The following CDON variants were observed in gnomAD, a reference collection of about 807,000 sequenced individuals.
The protein encoded by CDON is cell adhesion molecule-related/down-regulated by oncogenes.
In CDON, 73 loss-of-function variants were observed where a neutral mutation model predicts 120.9. The ratio of observed to expected loss-of-function variants is 0.60; its 90% CI spans 0.50 to 0.73. The LOEUF (loss-of-function observed/expected upper bound fraction) is 0.73. Among genes scored for constraint, CDON ranks in the 30% least tolerant of loss-of-function variants. CDON has a pLI of 0.00. For synonymous variants in CDON, 566 were observed against 573.5 expected (o/e 0.99, Z 0.19); for missense variants, 1,470 against 1,587.3 (o/e 0.93, Z 1.26).
At chr11:126,028,395 T>C (rs1237108119) in intron 1 of CDON, among the ~76,000 whole-genome samples, 1 of 151,888 alleles carries the variant, frequency 6.6e-6, no homozygotes, top group East Asian at 1.9e-4. Context: ...AGATGGAATC[T>C]TGCTGTCACC....
At chr11:126,024,721 T>TA (rs1320205063) in intron 1 of CDON, among the ~76,000 whole-genome samples, 11 of 152,062 alleles carry the variant, frequency 7.2e-5, no homozygotes, top group Admixed American at 5.9e-4. Flanking sequence ...ATGTAGATCT[T>TA]AAACGTATGA....
At chr11:126,057,698 T>C (rs1948712554) in intron 1 of CDON, among the ~76,000 whole-genome samples, 1 of 152,248 alleles carries the variant, frequency 6.6e-6, no homozygotes, top group Non-Finnish European at 1.5e-5. Context: ...GTGATATTAC[T>C]ATGTTACACC....
chr11:125,961,880 C>G lies in CDON; in HGVS notation c.3475G>C (p.Val1159Leu). Residue 1159 changes from valine (V) to leucine (L), a missense_variant, in exon 19 of 20, where the codon GTA becomes CTA. Coordinates refer to ENST00000531738, the MANE Select transcript of CDON (RefSeq NM_001378964.1). ...MKPLSHVKVP[V>L]CLTSAVPDCG... ...TCAGGGACTGCGGAAGTCAGGCATA[C>G]AGGCACCTTCACGTGACTGAGGGGC... is the stretch of plus-strand genomic sequence containing the variant. 1.2e-6 allele frequency: 2 copies of G among 1,614,222 alleles called. No individual in the cohort carries two copies. Among genetic ancestry groups the G allele is most frequent in the South Asian group, 2.2e-5 (2 of 91,086 alleles).
intron 2 of CDON, among the ~76,000 whole-genome samples, chr11:126,022,101 CAAAAAAAAAAAA>C (rs56788784): frequency 1.8e-5 from 1 of 56,552 alleles, no homozygotes; most frequent in Non-Finnish European, 3.5e-5. Context: ...GACCCTGCTT[CAAAAAAAAAAAA>C]AAAAAAAAAA....
intron 16 of CDON, 90 bp from the exon 17 acceptor site, chr11:125,981,419 TACGCACACACGCACAC>T: frequency 8.5e-5 from 113 of 1,324,664 alleles, no homozygotes; most frequent in Middle Eastern, 2.1e-4. Context: ...CACATGCACA[TACGCACACACGCACAC>T]ACGCACACAG....
At chr11:125,976,710 G>T (rs980379408) in intron 18 of CDON, among the ~76,000 whole-genome samples, 1 of 151,694 alleles carries the variant, frequency 6.6e-6, no homozygotes, top group African/African-American at 2.4e-5. Context: ...CTAAGGAAAT[G>T]GGATGCATTC....
chr11:126,047,009 G>T (rs1417850501), intron 1 of CDON, among the ~76,000 whole-genome samples: 2 of 152,138 alleles, frequency 1.3e-5, no homozygotes, highest in Non-Finnish European at 2.9e-5. Flanking sequence ...GAAAATTCCA[G>T]GAAGTAATGG....
Position 125,982,290 on chromosome 11 carries a change from TA to T in CDON, c.2996-962del, listed in dbSNP as rs754889732. Among the ~76,000 whole-genome samples the T allele has an allele frequency of 3.3e-5, 5 of 152,236 alleles. No homozygotes were observed. In the East Asian group the frequency reaches 7.7e-4, roughly 24 times the overall value. On this transcript the variant is annotated intron_variant, in intron 16 of 19. Transcript: ENST00000531738. ...CGCCCAGCCTTCTATTTTCTTCTAT[TA>T]AAAGCATACAAATGACTGCCTCAAA...
In CDON at chr11:125,958,664, A is replaced by T. The variant is rs529502549; in HGVS notation, c.*2278T>A. 1 of 152,108 alleles carries T rather than the reference A, an allele frequency of 6.6e-6. No homozygotes were observed. Among genetic ancestry groups the T allele is most frequent in the South Asian group, 2.1e-4 (1 of 4,810 alleles). The allele number at this position is 152,108 out of a possible 1,614,324, so 9.4% of individuals were successfully genotyped here. A position where few individuals can be genotyped will look rare whatever the true frequency, so the allele number is the denominator to read the frequency against. ...TAAATAAAATACAATAAAAAGAATA[A>T]CACTTAAAACAGCGTTACTAATAAT... On this transcript the variant is annotated 3_prime_UTR_variant, in exon 20 of 20. Transcript: ENST00000531738.
At chr11:126,007,419 T>C (rs1488509503) in intron 8 of CDON, among the ~76,000 whole-genome samples, 1 of 152,206 alleles carries the variant, frequency 6.6e-6, no homozygotes, top group African/African-American at 2.4e-5. Context: ...ATATTGCTCC[T>C]GGAACAGCAG....
At position 125,961,120 on chromosome 11, in the gene CDON, G is replaced by C; in HGVS notation, c.3632-15C>G. On this transcript the variant is annotated splice_polypyrimidine_tract_variant and intron_variant, in intron 19 of 19. Transcript: ENST00000531738. ...ACAGCTGTCTCCTGAAACACAGCAG[G>C]GTTTGGGAGCATTATCAAATGATAA... is the stretch of plus-strand genomic sequence containing the variant. 1 of 1,612,518 alleles carries C rather than the reference G, an allele frequency of 6.2e-7. No individual in the cohort carries two copies. The highest frequency in any genetic ancestry group is 8.5e-7 in the Non-Finnish European group (1 of 1,178,828).
chr11:125,971,783 A>C (rs905125928), intron 18 of CDON, among the ~76,000 whole-genome samples: 1 of 152,024 alleles, frequency 6.6e-6, no homozygotes, highest in African/African-American at 2.4e-5. Context: ...TTCATCTGTG[A>C]ATTTCATCAG....
Position 125,981,430 on chromosome 11 carries a change from GCA to G in CDON, c.2996-103_2996-102del. 3.4e-6 allele frequency: 4 copies of G among 1,179,636 alleles called. 1 individual carries two copies. Among genetic ancestry groups the G allele is most frequent in the Middle Eastern group, 2.4e-4 (1 of 4,230 alleles). 73.1% of individuals were successfully genotyped at this position (1,179,636 alleles called of 1,614,324 possible). On this transcript the variant is annotated intron_variant, in intron 16 of 19. Coordinates refer to ENST00000531738, the MANE Select transcript of CDON (RefSeq NM_001378964.1). Reference sequence around the variant, plus strand: ...TGCACACATGCACATACGCACACACGCACACACGCACACAGTAAGACACTAAA... The same window carrying G: ...TGCACACATGCACATACGCACACACGCACACGCACACAGTAAGACACTAAA...
chr11:126,020,719 A>G (rs1269407907), intron 3 of CDON, among the ~76,000 whole-genome samples: 1 of 152,258 alleles, frequency 6.6e-6, no homozygotes. Flanking sequence ...ATTTTCCGTA[A>G]GTTCAATACT....
At chr11:126,030,588 C>G (rs12361155) in intron 1 of CDON, among the ~76,000 whole-genome samples, 23 of 151,970 alleles carry the variant, frequency 1.5e-4, no homozygotes, top group Admixed American at 1.1e-3. Context: ...TGGTAATTTC[C>G]TTTTTTAAAA....
chr11:125,978,446 C>T, intron 17 of CDON, 63 bp from the exon 18 acceptor site: 1 of 1,017,722 alleles, frequency 9.8e-7, no homozygotes, highest in Non-Finnish European at 1.5e-6. Flanking sequence ...TACTCACAGA[C>T]CAGTAGCCAA....
At chr11:125,982,439 G>C (rs989069924) in intron 16 of CDON, among the ~76,000 whole-genome samples, 2 of 152,166 alleles carry the variant, frequency 1.3e-5, no homozygotes, top group Admixed American at 1.3e-4. Context: ...TCGAAGGTAG[G>C]AGAGCTTGCC....
At chr11:125,971,408 A>AAAT (rs1555114720) in intron 18 of CDON, among the ~76,000 whole-genome samples, 10 of 146,276 alleles carry the variant, frequency 6.8e-5, no homozygotes, top group South Asian at 2.1e-4. Context: ...ATAAATAAAT[A>AAAT]AATAATAATA....
chr11:125,975,003 C>T (rs1946114126), intron 18 of CDON, among the ~76,000 whole-genome samples: 1 of 152,118 alleles, frequency 6.6e-6, no homozygotes, highest in African/African-American at 2.4e-5. Context: ...TTCCCCATGT[C>T]TCACTGATCC....
Sources: gnomAD v4.1 joint callset for allele counts (sites outside exome capture counted in the v4.1 genomes callset) on GRCh38, gnomAD v4.1.1 for gene constraint, MANE v1.5 for transcripts, NCBI Gene and HGNC (gene_info 2026-07-23, HGNC 2026-07-21) for gene names.